The following FSTL4 variants were observed in gnomAD, a reference collection of about 807,000 sequenced individuals.
FSTL4 encodes the protein follistatin like 4.
In FSTL4, 28 loss-of-function variants were observed where a neutral mutation model predicts 78.2. That is an observed-to-expected ratio of 0.36 (90% CI 0.27 to 0.49). The LOEUF is 0.49. Ranked by LOEUF, FSTL4 falls within the 20% of genes least tolerant of loss-of-function variation. The pLI is 0.98. For synonymous variants in FSTL4, 422 were observed against 440.5 expected (o/e 0.96, Z 0.53); for missense variants, 922 against 1,084.9 (o/e 0.85, Z 2.11).
chr5:133,260,583 C>T (rs973844927), intron 6 of FSTL4, among the ~76,000 whole-genome samples: 3 of 152,160 alleles, frequency 2.0e-5, no homozygotes, highest in Admixed American at 2.0e-4. Flanking sequence ...CACAGCCTCC[C>T]GGCCCCTCTC....
At chr5:133,210,028 G>A (rs1750652014) in intron 14 of FSTL4, 163 bp downstream of exon 14, 1 of 534,026 alleles carries the variant, frequency 1.9e-6, no homozygotes, top group African/African-American at 1.9e-5. Context: ...GCCTGTGAGG[G>A]GCATTGGCCT....
intron 4 of FSTL4, among the ~76,000 whole-genome samples, chr5:133,382,740 C>A (rs951033361): frequency 5.3e-5 from 8 of 152,168 alleles, no homozygotes; most frequent in African/African-American, 1.9e-4. Context: ...CAACATAGAA[C>A]TAGTAGCTTG....
At chr5:133,238,768 C>A (rs1751737789) in intron 7 of FSTL4, among the ~76,000 whole-genome samples, 1 of 152,252 alleles carries the variant, frequency 6.6e-6, no homozygotes, top group Admixed American at 6.5e-5. Context: ...CCGACCAACA[C>A]TGAGGTTACG....
intron 3 of FSTL4, among the ~76,000 whole-genome samples, chr5:133,529,758 C>T (rs1284938198): frequency 6.6e-6 from 1 of 152,154 alleles, no homozygotes; most frequent in Non-Finnish European, 1.5e-5. Context: ...ACTCACCCTT[C>T]AGAGTTGCTG....
At chr5:133,662,856 A>G in the FSTL4 span, among the ~76,000 whole-genome samples, 1 of 152,196 alleles carries the variant, frequency 6.6e-6, no homozygotes, top group Non-Finnish European at 1.5e-5. Context: ...TCATTTAACC[A>G]TGTGCCTTGG....
At chr5:133,315,530 A>C (rs1038455928) in intron 5 of FSTL4, among the ~76,000 whole-genome samples, 1 of 152,152 alleles carries the variant, frequency 6.6e-6, no homozygotes, top group South Asian at 2.1e-4. Flanking sequence ...CATGTTTAAG[A>C]TATCTTTAAA....
intron 4 of FSTL4, among the ~76,000 whole-genome samples, chr5:133,376,105 G>A (rs1384063746): frequency 2.0e-5 from 3 of 152,184 alleles, no homozygotes; most frequent in Non-Finnish European, 4.4e-5. Context: ...CATATACAAA[G>A]TCCTGAAGAC....
intron 6 of FSTL4, among the ~76,000 whole-genome samples, chr5:133,304,055 A>G (rs1183168867): frequency 1.3e-5 from 2 of 152,216 alleles, no homozygotes; most frequent in Non-Finnish European, 2.9e-5. Flanking sequence ...AGGCTCAGGC[A>G]TTCACATCCT....
At chr5:133,293,747 C>T (rs2126871035) in intron 6 of FSTL4, among the ~76,000 whole-genome samples, 1 of 152,298 alleles carries the variant, frequency 6.6e-6, no homozygotes, top group South Asian at 2.1e-4. Flanking sequence ...GTCCGAGTCC[C>T]CATGTCACTG....
intron 3 of FSTL4, among the ~76,000 whole-genome samples, chr5:133,525,485 C>T (rs1759074977): frequency 6.6e-6 from 1 of 152,208 alleles, no homozygotes; most frequent in African/African-American, 2.4e-5. Flanking sequence ...GGATCCATAG[C>T]TTTCTCATTT....
chr5:133,570,465 T>G (rs944957704), intron 2 of FSTL4, among the ~76,000 whole-genome samples: 2 of 152,070 alleles, frequency 1.3e-5, no homozygotes, highest in African/African-American at 4.8e-5. Context: ...CCACTTCATT[T>G]CTCAGAGACT....
chr5:133,820,765 T>C, the FSTL4 span, among the ~76,000 whole-genome samples: 1 of 152,222 alleles, frequency 6.6e-6, no homozygotes, highest in African/African-American at 2.4e-5. Context: ...AGAAACCAAC[T>C]GTTTGTGGCC....
the FSTL4 span, among the ~76,000 whole-genome samples, chr5:133,704,375 A>C: frequency 6.6e-6 from 1 of 152,236 alleles, no homozygotes; most frequent in Non-Finnish European, 1.5e-5. Flanking sequence ...GCAGAGATCC[A>C]AGAGACCAAC....
At chr5:133,414,443 T>G (rs1445869051) in intron 3 of FSTL4, among the ~76,000 whole-genome samples, 3 of 151,564 alleles carry the variant, frequency 2.0e-5, no homozygotes, top group African/African-American at 4.9e-5. Flanking sequence ...GGAAGGACCC[T>G]GGGATTTGTC....
chr5:133,313,565 G>A (rs145276972), intron 5 of FSTL4, among the ~76,000 whole-genome samples: 18 of 152,214 alleles, frequency 1.2e-4, no homozygotes, highest in African/African-American at 4.1e-4. Flanking sequence ...CGGAACTGAA[G>A]GTCTTGCAGG....
chr5:133,721,695 C>T, the FSTL4 span, among the ~76,000 whole-genome samples: 1 of 152,058 alleles, frequency 6.6e-6, no homozygotes, highest in Non-Finnish European at 1.5e-5. Context: ...TTTCCTCTTG[C>T]TGCTTTTAAA....
chr5:133,578,789 T>G (rs1365101393), intron 2 of FSTL4, among the ~76,000 whole-genome samples: 1 of 152,180 alleles, frequency 6.6e-6, no homozygotes, highest in Non-Finnish European at 1.5e-5. Context: ...TTTGATGAAA[T>G]AAATGTCAAT....
intron 3 of FSTL4, among the ~76,000 whole-genome samples, chr5:133,416,670 T>A (rs1333934100): frequency 6.6e-6 from 1 of 152,206 alleles, no homozygotes; most frequent in African/African-American, 2.4e-5. Context: ...CTTGATGGGA[T>A]GTGGGGAGAA....
chr5:133,271,783 C>G (rs1465731959), intron 6 of FSTL4, among the ~76,000 whole-genome samples: 1 of 152,190 alleles, frequency 6.6e-6, no homozygotes, highest in South Asian at 2.1e-4. Context: ...AAAGAAATTA[C>G]CTGGGTTATC....
Sources: allele counts gnomAD v4.1 joint callset (sites outside exome capture counted in the v4.1 genomes callset), GRCh38; gene constraint gnomAD v4.1.1; transcripts MANE v1.5; gene names NCBI Gene and HGNC (gene_info 2026-07-23, HGNC 2026-07-21).